Variants in NIPSNAP3B observed in about 807,000 individuals in gnomAD.
The protein encoded by NIPSNAP3B is nipsnap homolog 3B.
Under a neutral mutation model 31.5 loss-of-function variants are expected in NIPSNAP3B, and 30 were observed. The observed-to-expected ratio is 0.95, with a 90% CI of 0.71 to 1.29. The LOEUF (loss-of-function observed/expected upper bound fraction) is 1.29. NIPSNAP3B is among the 50% of genes most tolerant of loss of function. The probability of loss-of-function intolerance (pLI) is 0.00; values close to 1 mark genes in which losing one functional copy is unlikely to be tolerated. For synonymous variants in NIPSNAP3B, 106 were observed against 107.9 expected, an observed-to-expected ratio of 0.98 and a Z score of 0.11; for missense variants, 269 against 300.7, an observed-to-expected ratio of 0.89 and a Z score of 0.78.
the NIPSNAP3B span, chr9:104,787,008 TG>T: frequency 6.4e-7 from 1 of 1,569,324 alleles, no homozygotes; most frequent in South Asian, 1.2e-5. Flanking sequence ...TCTTATTTGC[TG>T]GGGGGAAAAA....
At chr9:104,789,122 A>G in the NIPSNAP3B span, among the ~76,000 whole-genome samples, 1 of 152,238 alleles carries the variant, frequency 6.6e-6, no homozygotes, top group Admixed American at 6.5e-5. Context: ...CCACAGCGGC[A>G]TTGCCATGAA....
intron 3 of NIPSNAP3B, 110 bp from the exon 4 acceptor site, chr9:104,770,739 A>C: frequency 1.1e-6 from 1 of 879,522 alleles, no homozygotes; most frequent in South Asian, 1.6e-5. Flanking sequence ...GTATGTATAC[A>C]TGGATTATCC....
chr9:104,788,028 C>A, the NIPSNAP3B span: 1 of 1,614,088 alleles, frequency 6.2e-7, no homozygotes, highest in Non-Finnish European at 8.5e-7. Context: ...TCACGAGGCC[C>A]AGTTTCCGAA....
Position 104,773,029 on chromosome 9 carries a change from C to G in NIPSNAP3B, c.700C>G (p.Gln234Glu), listed in dbSNP as rs750851064. The change falls in exon 6 of 6, where the codon CAG becomes GAG. Residue 234 changes from glutamine to glutamate, a missense_variant. Physicochemically the swap from Gln to Glu is conservative, Grantham distance 29. Transcript: ENST00000374762. ...RESVNYLVSQ[Q>E]NMLLIPASFS... ...AAGTGTCAACTACCTAGTTTCTCAG[C>G]AGAATATGCTTCTGATTCCTGCATC... 2 of 1,613,964 alleles carry G rather than the reference C, an allele frequency of 1.2e-6. No individual in the cohort carries two copies. Among genetic ancestry groups the G allele is most frequent in the Admixed American group, 1.7e-5 (1 of 60,012 alleles).
intron 1 of NIPSNAP3B, among the ~76,000 whole-genome samples, chr9:104,765,905 A>C (rs1476639389): frequency 6.6e-6 from 1 of 152,206 alleles, no homozygotes; most frequent in Non-Finnish European, 1.5e-5. Flanking sequence ...GCCAAAAGGC[A>C]TGTGTACTTA....
chr9:104,771,849 G>A (rs1420679442), intron 4 of NIPSNAP3B, among the ~76,000 whole-genome samples: 1 of 151,944 alleles, frequency 6.6e-6, no homozygotes, highest in African/African-American at 2.4e-5. Context: ...CCACCAACAG[G>A]GTGTAAGTGT....
chr9:104,771,384 G>C (rs1411723597), intron 4 of NIPSNAP3B: 1 of 156,466 alleles, frequency 6.4e-6, no homozygotes, highest in African/African-American at 2.4e-5. Context: ...CCATTCTCAA[G>C]TAGACCCCAG....
intron 2 of NIPSNAP3B, among the ~76,000 whole-genome samples, chr9:104,768,311 G>A (rs775001792): frequency 2.0e-5 from 3 of 152,104 alleles, no homozygotes; most frequent in Non-Finnish European, 2.9e-5. Flanking sequence ...CAAAAAAGAG[G>A]CTTAAAAAGT....
rs1396847375 is a variant in NIPSNAP3B, at chr9:104,772,877, G to A, written c.636G>A (p.Lys212=). 6.2e-7 allele frequency: 1 copy of A among 1,613,594 alleles called. No individual in the cohort carries two copies. The highest frequency in any genetic ancestry group is 1.3e-5 in the African/African-American group (1 of 74,932). Residue 212 remains lysine, a synonymous_variant, in exon 5 of 6, where the codon AAG becomes AAA. Coordinates refer to ENST00000374762, the MANE Select transcript of NIPSNAP3B (RefSeq NM_018376.4). ...ATAGTCGTGCAGCTGGGAGACATAA[G>A]TCCCATGAGGATCCCAGAGTTGTGG... The part of the protein sequence containing the change: ...SADSRAAGRH[K]SHEDPRVVAA...
At chr9:104,767,409 G>A (rs1828111856) in intron 2 of NIPSNAP3B, among the ~76,000 whole-genome samples, 1 of 152,068 alleles carries the variant, frequency 6.6e-6, no homozygotes, top group Non-Finnish European at 1.5e-5. Context: ...TTACTTCCAT[G>A]TCTGTTCTTA....
At position 104,773,387 on chromosome 9, in the gene NIPSNAP3B, T is replaced by G. The variant is rs1828267090; in HGVS notation, c.*314T>G. The G allele has an allele frequency of 4.7e-6, 1 of 212,576 alleles. No individual in the cohort carries two copies. Among genetic ancestry groups the G allele is most frequent in the Non-Finnish European group, 9.3e-6 (1 of 107,610 alleles). The allele number at this position is 212,576 out of a possible 1,614,324, so 13.2% of individuals were successfully genotyped here. A position where few individuals can be genotyped will look rare whatever the true frequency, so the allele number is the denominator to read the frequency against. ...TGATAACTCATTGCTTTATAGCATT[T>G]TCTTTTACTCAAATAAGGATTTTAC... On this transcript the variant is annotated 3_prime_UTR_variant, in exon 6 of 6. Transcript: ENST00000374762.
rs984876672 is a variant in NIPSNAP3B at position 104,764,248 on chromosome 9, T to C, written c.8T>C (p.Val3Ala). The change falls in exon 1 of 6, where the codon GTT (valine) becomes GCT (alanine). Residue 3 changes from valine to alanine, a missense_variant. Coordinates refer to ENST00000374762, the MANE Select transcript of NIPSNAP3B (RefSeq NM_018376.4). Reference sequence around the variant, plus strand: ...CAGTGCCGAAGCCGCGCCATGCTCGTTCTCAGAAGCGGCCTGACCAAGGCG... The same window carrying C: ...CAGTGCCGAAGCCGCGCCATGCTCGCTCTCAGAAGCGGCCTGACCAAGGCG... ML[V>A]LRSGLTKALA... The C allele has an allele frequency of 1.3e-5, 21 of 1,601,712 alleles. No homozygotes were observed. Among genetic ancestry groups the C allele is most frequent in the Non-Finnish European group, 1.8e-5 (21 of 1,176,006 alleles).
chr9:104,783,344 GA>G, the NIPSNAP3B span: 1 of 152,300 alleles, frequency 6.6e-6, no homozygotes, highest in South Asian at 2.1e-4. Flanking sequence ...CAAAAAGCCA[GA>G]AATAATACAC....
At chr9:104,786,214 T>C in the NIPSNAP3B span, 1 of 1,166,898 alleles carries the variant, frequency 8.6e-7, no homozygotes, top group East Asian at 2.3e-5. Flanking sequence ...CCCTTTATGT[T>C]AGAGGCACCA....
chr9:104,786,942 C>T, the NIPSNAP3B span: 3 of 1,614,004 alleles, frequency 1.9e-6, no homozygotes, highest in Non-Finnish European at 2.5e-6. Context: ...CAAGAACCGC[C>T]GGGCTTTGGG....
In NIPSNAP3B at chr9:104,777,539, G is replaced by A. The variant is rs1843964874; in HGVS notation, c.*4466G>A. The A allele has an allele frequency of 6.6e-6, 1 of 152,204 alleles. No individual in the cohort carries two copies. Among genetic ancestry groups the A allele is most frequent in the Admixed American group, 6.5e-5 (1 of 15,282 alleles). The allele number at this position is 152,204 out of a possible 1,614,324, so 9.4% of individuals were successfully genotyped here. A position where few individuals can be genotyped will look rare whatever the true frequency, so the allele number is the denominator to read the frequency against. On this transcript the variant is annotated 3_prime_UTR_variant, in exon 6 of 6. Coordinates refer to ENST00000374762, the MANE Select transcript of NIPSNAP3B (RefSeq NM_018376.4). Reference sequence around the variant, plus strand: ...AGACAAAATGAGTTTTATAATAGTCGATTGGAAGGAATGGAAGTTTTTGAA... The same window carrying A: ...AGACAAAATGAGTTTTATAATAGTCAATTGGAAGGAATGGAAGTTTTTGAA...
At chr9:104,783,905 G>A in the NIPSNAP3B span, 1 of 188,548 alleles carries the variant, frequency 5.3e-6, no homozygotes, top group Non-Finnish European at 1.1e-5. Context: ...GAATGAGGAT[G>A]TGCATTACCT....
chr9:104,769,863 G>A (rs934291271), intron 3 of NIPSNAP3B, among the ~76,000 whole-genome samples: 1 of 151,968 alleles, frequency 6.6e-6, no homozygotes, highest in African/African-American at 2.4e-5. Context: ...CCTCTTTCTT[G>A]TTTCTCAGTT....
rs756484333 is a variant in NIPSNAP3B, at chr9:104,772,890, C to T, written c.649C>T (p.Pro217Ser). The change falls in exon 5 of 6, where the codon CCC becomes TCC. Residue 217 changes from proline to serine, a missense_variant. Pro to Ser is a moderately conservative substitution (Grantham distance 74, BLOSUM62 -1). Transcript: ENST00000374762. ...AAGRHKSHED[P>S]RVVAAVRESV... is the part of the protein sequence containing the mutation. ...TGGGAGACATAAGTCCCATGAGGAT[C>T]CCAGAGTTGTGGCGGCTGGTAAGCT... 3 of 1,613,624 alleles carry T rather than the reference C, an allele frequency of 1.9e-6. No individual in the cohort carries two copies. Among genetic ancestry groups the T allele is most frequent in the Admixed American group, 1.7e-5 (1 of 59,942 alleles).
Sources: allele counts gnomAD v4.1 joint callset (sites outside exome capture counted in the v4.1 genomes callset), GRCh38; gene constraint gnomAD v4.1.1; transcripts MANE v1.5; gene names NCBI Gene and HGNC (gene_info 2026-07-23, HGNC 2026-07-21).